GAS7: variants seen among roughly 807,000 people sequenced by gnomAD.
The protein encoded by GAS7 is growth arrest specific 7.
Under a neutral mutation model 71.1 loss-of-function variants are expected in GAS7, and 28 were observed. The ratio of observed to expected loss-of-function variants is 0.39; its 90% confidence interval spans 0.29 to 0.54. GAS7 has a LOEUF of 0.54. Ranked by LOEUF, GAS7 falls within the 20% of genes least tolerant of loss-of-function variation. GAS7 has a pLI of 0.62. For missense variants in GAS7, 436 were observed against 627.8 expected (o/e 0.69, Z 3.27); for synonymous variants, 258 against 245.8 (o/e 1.05, Z -0.46).
chr17:10,059,435 G>T (rs1390354436), intron 1 of GAS7, among the ~76,000 whole-genome samples: 1 of 152,184 alleles, frequency 6.6e-6, no homozygotes, highest in Non-Finnish European at 1.5e-5. Context: ...TGCCCAAGTG[G>T]CTTTCTCTTC....
rs991134101 is a variant in GAS7 at position 9,919,471 on chromosome 17, G to A, written c.1218+155C>T. Among the ~76,000 whole-genome samples the A allele has an allele frequency of 2.0e-5, 3 of 152,092 alleles. No individual in the cohort carries two copies. Among genetic ancestry groups the A allele is most frequent in the Non-Finnish European group, 4.4e-5 (3 of 68,012 alleles). ...CAGAGATCTGAATCCACATAAGCTG[G>A]CTCACATTGAGGTTTCGACCCCAAC... On this transcript the variant is annotated intron_variant, in intron 12 of 13. Coordinates refer to ENST00000432992, the MANE Select transcript of GAS7 (RefSeq NM_201433.2). The surrounding 1 kb of genome is among the most constrained non-coding windows in gnomAD (Gnocchi z 5.0).
chr17:10,061,055 G>A (rs60253983), intron 1 of GAS7, among the ~76,000 whole-genome samples: 6,853 of 152,188 alleles, frequency 0.045, 558 homozygotes, highest in African/African-American at 0.16. Context: ...CAAATCCACC[G>A]AAGGCTCTGT....
chr17:9,926,667 C>A lies in GAS7; in HGVS notation c.988G>T (p.Ala330Ser), dbSNP rs146733108. Residue 330 changes from alanine to serine, a missense_variant, in exon 10 of 14, where the codon GCC becomes TCC. By Grantham distance (99) the Ala-to-Ser change is moderately conservative. Coordinates refer to ENST00000432992, the MANE Select transcript of GAS7 (RefSeq NM_201433.2). This position sits in a 1 kb window ranked among gnomAD's most constrained non-coding sequence, Gnocchi z 5.0. The part of the protein sequence containing the change: ...HHIADLRKQL[A>S]SRYASVEKAR... ...TTCTCCACCGAGGCATAGCGGCTGG[C>A]GAGCTGCTTGCGAAGGTCGGCAATG... The A allele has an allele frequency of 3.0e-4, 487 of 1,612,518 alleles. 4 individuals carry two copies. Among genetic ancestry groups the A allele is most frequent in the Non-Finnish European group, 6.0e-5 (71 of 1,179,908 alleles).
chr17:10,188,654 T>C (rs1343092208), intron 1 of GAS7, among the ~76,000 whole-genome samples: 2 of 152,162 alleles, frequency 1.3e-5, no homozygotes, highest in African/African-American at 4.8e-5. Context: ...TCATTTGTTT[T>C]AAGAGACAGA....
At chr17:10,131,146 C>G (rs1005104298) in intron 1 of GAS7, among the ~76,000 whole-genome samples, 1 of 152,226 alleles carries the variant, frequency 6.6e-6, no homozygotes, top group African/African-American at 2.4e-5. Flanking sequence ...AACTTTTCTT[C>G]CTCCCCAGCG....
At chr17:10,124,613 C>G (rs928740176) in intron 1 of GAS7, among the ~76,000 whole-genome samples, 1 of 152,154 alleles carries the variant, frequency 6.6e-6, no homozygotes, top group Non-Finnish European at 1.5e-5. Context: ...CTTGGTACAA[C>G]CTTTCTAAAG....
At chr17:9,918,889 G>A (rs2067689146) in intron 12 of GAS7, among the ~76,000 whole-genome samples, 1 of 152,172 alleles carries the variant, frequency 6.6e-6, no homozygotes, top group Non-Finnish European at 1.5e-5. Flanking sequence ...TTAACCAGGA[G>A]GAAAACTAGG....
chr17:9,986,469 A>G (rs1384388628), intron 2 of GAS7, among the ~76,000 whole-genome samples: 1 of 152,146 alleles, frequency 6.6e-6, no homozygotes, highest in Non-Finnish European at 1.5e-5. Context: ...CATCTGGACT[A>G]TTGAACAGAG....
At chr17:10,157,994 C>CA (rs1264513572) in intron 1 of GAS7, among the ~76,000 whole-genome samples, 1 of 152,104 alleles carries the variant, frequency 6.6e-6, no homozygotes, top group East Asian at 1.9e-4. Context: ...GGCAACAGAA[C>CA]AAAATCCTGT....
At chr17:9,975,549 C>T (rs2070165101) in intron 3 of GAS7, among the ~76,000 whole-genome samples, 1 of 148,232 alleles carries the variant, frequency 6.7e-6, no homozygotes, top group African/African-American at 2.5e-5. Flanking sequence ...CTTTTTCCTT[C>T]CTTCCACCCG....
At chr17:10,127,681 G>A (rs373939558) in intron 1 of GAS7, among the ~76,000 whole-genome samples, 4 of 152,306 alleles carry the variant, frequency 2.6e-5, no homozygotes, top group African/African-American at 7.2e-5. Flanking sequence ...GGGCTCTGAT[G>A]GAAAGCAGGG....
At position 9,916,488 on chromosome 17, in the gene GAS7, TG is replaced by T. The variant is rs572407269; in HGVS notation, c.*739del. On this transcript the variant is annotated 3_prime_UTR_variant, in exon 14 of 14. Coordinates refer to ENST00000432992, the MANE Select transcript of GAS7 (RefSeq NM_201433.2). ...GCAGGGGCCTCCCCGAGGAAGCAGC[TG>T]GGGGAAGGATGGATTGGCATTTCCA... 3.9e-3 allele frequency: 916 copies of T among 234,632 alleles called. 3 individuals carry two copies. Among genetic ancestry groups the T allele is most frequent in the Non-Finnish European group, 5.8e-3 (690 of 118,720 alleles). The allele number at this position is 234,632 out of a possible 1,614,324, so 14.5% of individuals were successfully genotyped here. A position where few individuals can be genotyped will look rare whatever the true frequency, so the allele number is the denominator to read the frequency against.
chr17:10,159,098 T>TATATATATATATATATATA (rs1555538321), intron 1 of GAS7, among the ~76,000 whole-genome samples: 31 of 45,494 alleles, frequency 6.8e-4, no homozygotes, highest in African/African-American at 6.6e-4. Flanking sequence ...ATATATATAT[T>TATATATATATATATATATA]AAAGATAACA....
chr17:10,002,824 G>A (rs554612400), intron 2 of GAS7, among the ~76,000 whole-genome samples: 8 of 152,242 alleles, frequency 5.3e-5, no homozygotes, highest in African/African-American at 1.7e-4. Context: ...TAGACATTTG[G>A]CTTGGTTCCA....
At chr17:10,082,229 A>G (rs2073464884) in intron 1 of GAS7, among the ~76,000 whole-genome samples, 1 of 152,242 alleles carries the variant, frequency 6.6e-6, no homozygotes. Flanking sequence ...AAACATGCTC[A>G]TGGGAAACAC....
intron 1 of GAS7, among the ~76,000 whole-genome samples, chr17:10,133,123 T>TATATATATATGTATATA (rs770717224): frequency 7.7e-6 from 1 of 129,260 alleles, no homozygotes; most frequent in South Asian, 3.0e-4. Flanking sequence ...TATTTTTATA[T>TATATATATATGTATATA]TTTTTTTTTT....
Position 10,173,625 on chromosome 17 carries a change from G to A in GAS7, c.183+24583C>T, listed in dbSNP as rs1012869563. On this transcript the variant is annotated intron_variant, in intron 1 of 13. Coordinates refer to ENST00000432992, the MANE Select transcript of GAS7 (RefSeq NM_201433.2). ...CTACTAAAAATACAAAAAATTAGCC[G>A]GGTGTGGCAGCGGGTGCCAGTAGTC... is the stretch of plus-strand genomic sequence containing the variant. Among the ~76,000 whole-genome samples, 45 of 152,066 alleles carry A rather than the reference G, an allele frequency of 3.0e-4. 1 individual carries two copies. Among genetic ancestry groups the A allele is most frequent in the African/African-American group, 1.0e-3 (43 of 41,418 alleles).
chr17:10,116,558 T>C (rs908290373), intron 1 of GAS7, among the ~76,000 whole-genome samples: 1 of 152,106 alleles, frequency 6.6e-6, no homozygotes, highest in Non-Finnish European at 1.5e-5. Context: ...ACCAGCCGCA[T>C]CCTGCCAGGG....
intron 11 of GAS7, among the ~76,000 whole-genome samples, chr17:9,921,210 G>A (rs574060840): frequency 1.3e-3 from 192 of 148,084 alleles, no homozygotes; most frequent in Middle Eastern, 3.4e-3. Context: ...AGGCTGGAGT[G>A]CAGTGGCGCA....
Sources: gnomAD v4.1 joint callset for allele counts (sites outside exome capture counted in the v4.1 genomes callset) on GRCh38, gnomAD v4.1.1 for gene constraint, Gnocchi (gnomAD v3.1) non-coding constraint, MANE v1.5 for transcripts, NCBI Gene and HGNC (gene_info 2026-07-23, HGNC 2026-07-21) for gene names.